Variants in IL1RL2 observed in about 807,000 individuals in gnomAD.
IL1RL2 encodes interleukin-1 receptor-like 2.
Under a neutral mutation model 66.8 loss-of-function variants are expected in IL1RL2, and 68 were observed. The ratio of observed to expected loss-of-function variants is 1.02; its 90% CI spans 0.84 to 1.25. IL1RL2 has a LOEUF of 1.25. Ranked by LOEUF, IL1RL2 falls within the 50% of genes most tolerant of loss-of-function variation. The pLI, the probability that IL1RL2 is intolerant of heterozygous loss-of-function variation, is 0.00. For synonymous variants in IL1RL2, 305 were observed against 264.6 expected, an observed-to-expected ratio of 1.15 and a Z score of -1.48; for missense variants, 729 against 709.3, an observed-to-expected ratio of 1.03 and a Z score of -0.32.
chr2:102,211,718 C>T (rs986119641), intron 5 of IL1RL2, among the ~76,000 whole-genome samples: 2 of 152,136 alleles, frequency 1.3e-5, no homozygotes, highest in Admixed American at 6.5e-5. Flanking sequence ...GAAGGTAAAA[C>T]AAGAGGGTTA....
intron 6 of IL1RL2, among the ~76,000 whole-genome samples, chr2:102,213,234 G>A (rs544774156): frequency 5.9e-5 from 9 of 152,114 alleles, no homozygotes; most frequent in South Asian, 2.1e-4. Context: ...TACATGGTTC[G>A]AGGAATATAG....
At chr2:102,198,812 C>T (rs560668811) in intron 4 of IL1RL2, among the ~76,000 whole-genome samples, 16 of 152,152 alleles carry the variant, frequency 1.1e-4, no homozygotes, top group Middle Eastern at 3.4e-3. Context: ...TAGAACCATC[C>T]GTTTGGCTCT....
chr2:102,215,297 G>A (rs1445605191), intron 6 of IL1RL2, among the ~76,000 whole-genome samples: 1 of 152,174 alleles, frequency 6.6e-6, no homozygotes, highest in East Asian at 1.9e-4. Flanking sequence ...TACTGCTAGA[G>A]TGAGTCCTGT....
chr2:102,233,199 T>A, intron 10 of IL1RL2, 75 bp downstream of exon 10: 1 of 1,395,380 alleles, frequency 7.2e-7, no homozygotes, highest in Non-Finnish European at 9.9e-7. Flanking sequence ...ACTTTACTAA[T>A]GGCGGTGACT....
intron 6 of IL1RL2, among the ~76,000 whole-genome samples, chr2:102,215,595 C>T (rs1689542500): frequency 1.3e-5 from 2 of 152,170 alleles, no homozygotes; most frequent in African/African-American, 4.8e-5. Context: ...GCCCAGTAGC[C>T]CTGCACCTGG....
intron 6 of IL1RL2, among the ~76,000 whole-genome samples, chr2:102,217,178 T>G (rs1346613691): frequency 6.6e-6 from 1 of 152,196 alleles, no homozygotes; most frequent in African/African-American, 2.4e-5. Context: ...AGTTTTTGCT[T>G]GTCTGGAAGG....
In IL1RL2 at chr2:102,212,056, C is replaced by T. The variant is rs200727039; in HGVS notation, c.650-44C>T. The stretch of plus-strand genomic sequence containing the variant: ...TACATCAAAGTACTTGGGAATGTAT[C>T]ATACGTGATTCTAATGCAATTTCCT... On this transcript the variant is annotated intron_variant, in intron 5 of 11. Transcript: ENST00000264257. 31 of 1,408,912 alleles carry T rather than the reference C, an allele frequency of 2.2e-5. No individual in the cohort carries two copies. In the East Asian group the frequency reaches 5.7e-4, roughly 26 times the overall value. The allele number at this position is 1,408,912 out of a possible 1,614,324, so 87.3% of individuals were successfully genotyped here.
chr2:102,229,958 T>C (rs954265839), intron 9 of IL1RL2, among the ~76,000 whole-genome samples: 1 of 152,244 alleles, frequency 6.6e-6, no homozygotes, highest in Admixed American at 6.5e-5. Flanking sequence ...CAAGGTTTGT[T>C]TGTTTGTTTT....
intron 8 of IL1RL2, among the ~76,000 whole-genome samples, chr2:102,222,915 T>C (rs1159410690): frequency 6.6e-6 from 1 of 152,210 alleles, no homozygotes; most frequent in Non-Finnish European, 1.5e-5. Context: ...AGTTCTTTAC[T>C]GAATAATATA....
At chr2:102,191,666 A>G (rs1687243149) in intron 3 of IL1RL2, among the ~76,000 whole-genome samples, 1 of 152,202 alleles carries the variant, frequency 6.6e-6, no homozygotes, top group East Asian at 1.9e-4. Flanking sequence ...AATATTACTC[A>G]GAGGCACATG....
chr2:102,193,109 G>A (rs913825937), intron 4 of IL1RL2, among the ~76,000 whole-genome samples: 1 of 152,092 alleles, frequency 6.6e-6, no homozygotes, highest in African/African-American at 2.4e-5. Flanking sequence ...TCAGAGACTT[G>A]TCAGTTCTAG....
intron 8 of IL1RL2, among the ~76,000 whole-genome samples, chr2:102,222,007 C>T (rs1690182087): frequency 6.6e-6 from 1 of 151,308 alleles, no homozygotes; most frequent in Non-Finnish European, 1.5e-5. Flanking sequence ...CCTGGATGTT[C>T]TTCCCTGATC....
At chr2:102,199,904 A>G (rs890838428) in intron 4 of IL1RL2, among the ~76,000 whole-genome samples, 16 of 152,224 alleles carry the variant, frequency 1.1e-4, no homozygotes, top group Non-Finnish European at 2.2e-4. Context: ...TATGCCTGTA[A>G]TCCTAGCACT....
intron 4 of IL1RL2, among the ~76,000 whole-genome samples, chr2:102,198,048 G>T (rs1687932494): frequency 6.6e-6 from 1 of 152,080 alleles, no homozygotes; most frequent in Non-Finnish European, 1.5e-5. Flanking sequence ...AATGATTTTT[G>T]TTTGCTAAAT....
intron 5 of IL1RL2, among the ~76,000 whole-genome samples, chr2:102,204,307 C>G (rs1257644237): frequency 6.6e-6 from 1 of 152,088 alleles, no homozygotes; most frequent in Non-Finnish European, 1.5e-5. Flanking sequence ...AACAGATGGT[C>G]TGTCCTTGAG....
intron 6 of IL1RL2, among the ~76,000 whole-genome samples, chr2:102,215,088 C>T (rs974264946): frequency 6.1e-5 from 9 of 147,164 alleles, no homozygotes; most frequent in Admixed American, 1.3e-4. Flanking sequence ...AAGGCCTCTG[C>T]CACCTTCATT....
intron 5 of IL1RL2, among the ~76,000 whole-genome samples, chr2:102,210,319 G>A (rs904387633): frequency 3.3e-5 from 5 of 152,126 alleles, no homozygotes; most frequent in Non-Finnish European, 5.9e-5. Flanking sequence ...AAGTAGTCGG[G>A]GGCCAAGATC....
rs920483353 is a variant in IL1RL2 at position 102,239,806 on chromosome 2, C to A, written c.*565C>A. On this transcript the variant is annotated 3_prime_UTR_variant, in exon 12 of 12. Transcript: ENST00000264257. The stretch of plus-strand genomic sequence containing the variant: ...GATCACCTGTCATGGTGGGTGAGAG[C>A]TGGGGGGATCACCTGTCATGGTGGG... 7.1e-5 allele frequency: 11 copies of A among 155,976 alleles called. No homozygotes were observed. The highest frequency in any genetic ancestry group is 5.5e-4 in the Admixed American group (9 of 16,346). The allele number at this position is 155,976 out of a possible 1,614,324, so 9.7% of individuals were successfully genotyped here.
At chr2:102,188,313 A>G (rs890656900) in intron 2 of IL1RL2, among the ~76,000 whole-genome samples, 20 of 152,300 alleles carry the variant, frequency 1.3e-4, no homozygotes, top group South Asian at 2.1e-4. Flanking sequence ...GGCCGGGCGC[A>G]GTGGCTCATG....
Sources: allele counts gnomAD v4.1 joint callset (sites outside exome capture counted in the v4.1 genomes callset), GRCh38; gene constraint gnomAD v4.1.1; transcripts MANE v1.5; gene names NCBI Gene and HGNC (gene_info 2026-07-23, HGNC 2026-07-21).